RGL1: variants seen among roughly 807,000 people sequenced by gnomAD.
RGL1 encodes ral guanine nucleotide dissociation stimulator like 1.
RGL1 carries 24 observed loss-of-function variants against 95.2 expected under a neutral mutation model. The observed-to-expected ratio is 0.25, with a 90% CI of 0.18 to 0.35. The LOEUF (loss-of-function observed/expected upper bound fraction) is 0.35, where lower values mean the gene tolerates loss of function less well. Among genes scored for constraint, RGL1 ranks in the 10% least tolerant of loss-of-function variants. The pLI is 1.00. For missense variants in RGL1, 715 were observed against 936.3 expected (o/e 0.76, Z 3.08); for synonymous variants, 329 against 344.9 (o/e 0.95, Z 0.51).
At chr1:183,808,139 G>T (rs900492775) in intron 2 of RGL1, among the ~76,000 whole-genome samples, 1 of 152,180 alleles carries the variant, frequency 6.6e-6, no homozygotes, top group Non-Finnish European at 1.5e-5. Flanking sequence ...AAATGGAGGG[G>T]TTCACTCTGT....
At chr1:183,651,112 T>C (rs748423361) in intron 1 of RGL1, among the ~76,000 whole-genome samples, 16 of 152,224 alleles carry the variant, frequency 1.1e-4, no homozygotes, top group Non-Finnish European at 2.2e-4. Context: ...CACCAAATTT[T>C]ACATTTTTAT....
At chr1:183,871,559 G>A (rs1356398963) in intron 4 of RGL1, among the ~76,000 whole-genome samples, 2 of 152,116 alleles carry the variant, frequency 1.3e-5, no homozygotes, top group Admixed American at 6.5e-5. Context: ...TTGTTTTCCC[G>A]TTTTAGCTGT....
chr1:183,893,341 A>G (rs945243577), intron 9 of RGL1, among the ~76,000 whole-genome samples: 1 of 152,214 alleles, frequency 6.6e-6, no homozygotes, highest in Admixed American at 6.5e-5. Context: ...CAATCAAAGT[A>G]TTTGGTCTGT....
chr1:183,869,241 C>A (rs894364960), intron 4 of RGL1, among the ~76,000 whole-genome samples: 2 of 152,190 alleles, frequency 1.3e-5, no homozygotes, highest in Admixed American at 1.3e-4. Flanking sequence ...TATGAAGAGT[C>A]ATGTTCATTC....
intron 2 of RGL1, among the ~76,000 whole-genome samples, chr1:183,771,332 G>GT (rs1659263904): frequency 6.6e-6 from 1 of 151,566 alleles, no homozygotes; most frequent in Non-Finnish European, 1.5e-5. Flanking sequence ...AAAATGACCA[G>GT]TTTTTTCAGG....
chr1:183,676,761 T>G (rs1215177619), intron 1 of RGL1, among the ~76,000 whole-genome samples: 2 of 144,930 alleles, frequency 1.4e-5, no homozygotes, highest in Non-Finnish European at 3.1e-5. Context: ...CTTTGGAGTC[T>G]CTGTTTAGTC....
intron 1 of RGL1, among the ~76,000 whole-genome samples, chr1:183,672,755 G>A (rs902423807): frequency 3.9e-5 from 6 of 152,028 alleles, no homozygotes; most frequent in Non-Finnish European, 7.4e-5. Context: ...TCTGCTTTTT[G>A]TTATTTCTAC....
intron 2 of RGL1, among the ~76,000 whole-genome samples, chr1:183,762,587 G>A (rs146380878): frequency 1.2e-4 from 18 of 152,228 alleles, no homozygotes; most frequent in African/African-American, 3.6e-4. Flanking sequence ...TGCTTGATGC[G>A]GGGTTGCCAC....
intron 1 of RGL1, among the ~76,000 whole-genome samples, chr1:183,720,846 A>G (rs750468412): frequency 7.2e-5 from 11 of 152,314 alleles, no homozygotes; most frequent in African/African-American, 2.6e-4. Context: ...ATATGTTTTG[A>G]TGAAAGAAAA....
chr1:183,919,299 G>A (rs1481578622), intron 16 of RGL1, among the ~76,000 whole-genome samples: 1 of 152,060 alleles, frequency 6.6e-6, no homozygotes, highest in Non-Finnish European at 1.5e-5. Flanking sequence ...TTTTGTTTTT[G>A]TTTTTACTGT....
At chr1:183,911,986 A>G (rs903186045) in intron 14 of RGL1, 96 bp from the exon 15 acceptor site, 2 of 1,073,332 alleles carry the variant, frequency 1.9e-6, no homozygotes, top group Admixed American at 5.0e-5. Flanking sequence ...ACAAGACTGA[A>G]AAAACATCAA....
At chr1:183,678,986 G>C (rs536802054) in intron 1 of RGL1, among the ~76,000 whole-genome samples, 3 of 152,212 alleles carry the variant, frequency 2.0e-5, no homozygotes, top group African/African-American at 7.2e-5. Flanking sequence ...AAGACTAGGA[G>C]ACGTGAGTAC....
intron 1 of RGL1, among the ~76,000 whole-genome samples, chr1:183,676,242 G>A (rs1652820326): frequency 6.6e-6 from 1 of 152,076 alleles, no homozygotes; most frequent in Non-Finnish European, 1.5e-5. Flanking sequence ...ATCACAAGTA[G>A]TAAAGTTTTC....
chr1:183,704,802 T>G, intron 1 of RGL1, among the ~76,000 whole-genome samples: 1 of 152,182 alleles, frequency 6.6e-6, no homozygotes, highest in East Asian at 1.9e-4. Flanking sequence ...TGTTATGGGT[T>G]GAATAAACTG....
intron 4 of RGL1, among the ~76,000 whole-genome samples, chr1:183,869,655 T>G (rs1166343176): frequency 6.6e-6 from 1 of 152,200 alleles, no homozygotes; most frequent in Non-Finnish European, 1.5e-5. Context: ...TTGTTTTTCA[T>G]CTCACTTCAC....
chr1:183,681,809 G>GT (rs1201964789), intron 1 of RGL1, among the ~76,000 whole-genome samples: 1 of 151,998 alleles, frequency 6.6e-6, no homozygotes, highest in Non-Finnish European at 1.5e-5. Flanking sequence ...TGGTCCTGGG[G>GT]TTTTTTTGGT....
At position 183,772,970 on chromosome 1, in the gene RGL1, C is replaced by T. The variant is rs985424102; in HGVS notation, c.132+30681C>T. ...CTTGCAGTGAGCCGAGATTGTGCCA[C>T]TGCAGTCCGCAGTCCGGCCTGGGCG... On this transcript the variant is annotated intron_variant, in intron 2 of 18. Transcript: ENST00000304685. Among the ~76,000 whole-genome samples, 7 of 129,104 alleles carry T rather than the reference C, an allele frequency of 5.4e-5. No individual in the cohort carries two copies. In the Admixed American group the frequency reaches 6.7e-4, roughly 12 times the overall value. 84.7% of individuals were successfully genotyped at this position (129,104 alleles called of 152,430 possible).
chr1:183,869,577 G>A (rs1421924223), intron 4 of RGL1, among the ~76,000 whole-genome samples: 1 of 152,120 alleles, frequency 6.6e-6, no homozygotes, highest in East Asian at 1.9e-4. Flanking sequence ...CTTCTTACTG[G>A]TGACCTCTTT....
chr1:183,810,386 C>T (rs1034811481), intron 2 of RGL1, among the ~76,000 whole-genome samples: 2 of 152,158 alleles, frequency 1.3e-5, no homozygotes, highest in African/African-American at 4.8e-5. Flanking sequence ...TAGTCCTGTA[C>T]TTCTGTGGTC....
Sources: gnomAD v4.1 joint callset for allele counts (sites outside exome capture counted in the v4.1 genomes callset) on GRCh38, gnomAD v4.1.1 for gene constraint, MANE v1.5 for transcripts, NCBI Gene and HGNC (gene_info 2026-07-23, HGNC 2026-07-21) for gene names.